RANBP17: variants seen among roughly 807,000 people sequenced by gnomAD.
RANBP17 encodes the protein RAN binding protein 17.
Under a neutral mutation model 141.2 loss-of-function variants are expected in RANBP17, and 158 were observed. The ratio of observed to expected loss-of-function variants is 1.12; its 90% CI spans 0.98 to 1.28. RANBP17 has a LOEUF of 1.28. Ranked by LOEUF, RANBP17 falls within the 50% of genes most tolerant of loss-of-function variation. The pLI is 0.00. For synonymous variants in RANBP17, 430 were observed against 450.0 expected (o/e 0.96, Z 0.56); for missense variants, 1,438 against 1,290.7 (o/e 1.11, Z -1.75).
At chr5:171,089,539 C>T (rs1005215008) in intron 14 of RANBP17, among the ~76,000 whole-genome samples, 139 of 152,074 alleles carry the variant, frequency 9.1e-4, no homozygotes, top group African/African-American at 2.7e-3. Context: ...TGGGCAATGG[C>T]GGGCGCCCCT....
chr5:171,238,797 T>C (rs186422469), intron 22 of RANBP17, among the ~76,000 whole-genome samples: 249 of 152,326 alleles, frequency 1.6e-3, no homozygotes, highest in Non-Finnish European at 2.5e-3. Flanking sequence ...GTCCTCTGTT[T>C]ACAAGTCCAT....
intron 16 of RANBP17, among the ~76,000 whole-genome samples, chr5:171,178,019 G>C (rs1411709724): frequency 6.8e-6 from 1 of 146,260 alleles, no homozygotes; most frequent in Admixed American, 6.7e-5. Context: ...TTTTTTATGT[G>C]GTTTTTTTTT....
chr5:170,898,374 G>A (rs77407531), intron 5 of RANBP17, among the ~76,000 whole-genome samples: 2 of 151,702 alleles, frequency 1.3e-5, no homozygotes, highest in Non-Finnish European at 1.5e-5. Flanking sequence ...TTTGTGATGG[G>A]GTTTTTTTTT....
At chr5:170,949,524 A>G (rs1775035907) in intron 12 of RANBP17, among the ~76,000 whole-genome samples, 1 of 152,204 alleles carries the variant, frequency 6.6e-6, no homozygotes, top group African/African-American at 2.4e-5. Context: ...AATTATAATG[A>G]AATACCTCCT....
chr5:170,868,862 C>T (rs1200494607), intron 1 of RANBP17, among the ~76,000 whole-genome samples: 3 of 152,128 alleles, frequency 2.0e-5, no homozygotes, highest in African/African-American at 4.8e-5. Flanking sequence ...CAGAAGATTG[C>T]TTGATTGGTT....
intron 14 of RANBP17, among the ~76,000 whole-genome samples, chr5:171,116,439 T>C (rs77258945): frequency 0.027 from 4,043 of 152,298 alleles, 176 homozygotes; most frequent in African/African-American, 0.091. Flanking sequence ...AATTAAAATA[T>C]TAATAACACT....
chr5:171,092,853 A>G (rs1174535869), intron 14 of RANBP17, among the ~76,000 whole-genome samples: 1 of 152,150 alleles, frequency 6.6e-6, no homozygotes, highest in East Asian at 1.9e-4. Flanking sequence ...TTCACCTTTG[A>G]TCTCTAGTCC....
At chr5:170,953,536 C>A in intron 12 of RANBP17, 61 bp from the exon 13 acceptor site, 1 of 1,133,116 alleles carries the variant, frequency 8.8e-7, no homozygotes, top group Non-Finnish European at 1.3e-6. Flanking sequence ...GAATTTCCCC[C>A]AAGATAAGCT....
chr5:171,045,464 A>AACT (rs1782521103), intron 14 of RANBP17, among the ~76,000 whole-genome samples: 1 of 152,096 alleles, frequency 6.6e-6, no homozygotes, highest in Non-Finnish European at 1.5e-5. Flanking sequence ...GAGAGTGAAA[A>AACT]ACTCGATCCT....
intron 19 of RANBP17, 28 bp downstream of exon 19, chr5:171,199,801 G>A: frequency 7.0e-7 from 1 of 1,426,426 alleles, no homozygotes; most frequent in African/African-American, 1.4e-5. Context: ...TATGAGGAAT[G>A]ACAGTTTTGT....
intron 22 of RANBP17, among the ~76,000 whole-genome samples, chr5:171,232,620 A>C (rs1042051963): frequency 5.4e-5 from 8 of 148,780 alleles, no homozygotes; most frequent in Admixed American, 2.7e-4. Context: ...GGAAAAGAAA[A>C]CCCCCCCATT....
At chr5:171,136,220 CAT>C (rs1325927085) in intron 14 of RANBP17, among the ~76,000 whole-genome samples, 1 of 152,142 alleles carries the variant, frequency 6.6e-6, no homozygotes, top group Non-Finnish European at 1.5e-5. Flanking sequence ...GGTATTTTCA[CAT>C]GAGTATTAAT....
rs1180060511 is a variant in RANBP17 at position 171,205,537 on chromosome 5, G to C, written c.2156G>C (p.Gly719Ala). Residue 719 changes from glycine to alanine, a missense_variant, in exon 20 of 28, where the codon GGG becomes GCG. Transcript: ENST00000523189. ...KQEDVKRMLIGLARDLRGIAF... is the reference protein window; with the variant it reads ...KQEDVKRMLIALARDLRGIAF... ...TCCCACTGACAGCGTATGTTGATCG[G>C]GCTGGCAAGAGATCTTCGAGGGATT... 1.2e-6 allele frequency: 2 copies of C among 1,613,754 alleles called. No individual in the cohort carries two copies. Among genetic ancestry groups the C allele is most frequent in the African/African-American group, 2.7e-5 (2 of 74,900 alleles).
intron 14 of RANBP17, among the ~76,000 whole-genome samples, chr5:170,980,258 A>C (rs1215055588): frequency 6.6e-6 from 1 of 152,190 alleles, no homozygotes; most frequent in Admixed American, 6.5e-5. Context: ...AAAAGTTTGG[A>C]AAATTTGTAG....
In RANBP17 at chr5:170,878,079, A is replaced by ATTTTT; in HGVS notation, c.19-13_19-9dup. On this transcript the variant is annotated splice_polypyrimidine_tract_variant and intron_variant, in intron 1 of 27. Coordinates refer to ENST00000523189, the MANE Select transcript of RANBP17 (RefSeq NM_022897.5). ...TTTTTTTCATTGAAGTAAAATGTTA[A>ATTTTT]TTTTTTTTTCTTTGAAGAGTTTGGC... 6.6e-7 allele frequency: 1 copy of ATTTTT among 1,515,846 alleles called. No homozygotes were observed. Among genetic ancestry groups the ATTTTT allele is most frequent in the Non-Finnish European group, 8.9e-7 (1 of 1,124,874 alleles). 93.9% of individuals were successfully genotyped at this position (1,515,846 alleles called of 1,614,324 possible).
chr5:170,886,197 C>A (rs1003893567), intron 3 of RANBP17, among the ~76,000 whole-genome samples: 2 of 152,084 alleles, frequency 1.3e-5, no homozygotes, highest in African/African-American at 4.8e-5. Flanking sequence ...GCACATAGAC[C>A]ACTTTAATGT....
chr5:170,995,595 G>A (rs1299957464), intron 14 of RANBP17, among the ~76,000 whole-genome samples: 7 of 152,072 alleles, frequency 4.6e-5, no homozygotes. Flanking sequence ...TAGAGTCGAT[G>A]GTTGATTAAA....
chr5:171,151,806 A>G (rs1434196615), intron 14 of RANBP17, among the ~76,000 whole-genome samples: 1 of 152,110 alleles, frequency 6.6e-6, no homozygotes, highest in East Asian at 1.9e-4. Flanking sequence ...CCACCTTGAC[A>G]TTTCTTTTCA....
intron 19 of RANBP17, among the ~76,000 whole-genome samples, chr5:171,205,288 C>T (rs1762510998): frequency 6.6e-6 from 1 of 152,098 alleles, no homozygotes. Context: ...ACTCTAAATG[C>T]TTAGCTACAC....
Sources: gnomAD v4.1 joint callset for allele counts (sites outside exome capture counted in the v4.1 genomes callset) on GRCh38, gnomAD v4.1.1 for gene constraint, MANE v1.5 for transcripts, NCBI Gene and HGNC (gene_info 2026-07-23, HGNC 2026-07-21) for gene names.